EIF3F: variants seen among roughly 807,000 people sequenced by gnomAD.
EIF3F encodes eukaryotic translation initiation factor 3 subunit F.
EIF3F carries 8 observed loss-of-function variants against 36.0 expected under a neutral mutation model. That is an observed-to-expected ratio of 0.22 (90% CI 0.13 to 0.40). The LOEUF is 0.40. Ranked by LOEUF, EIF3F falls within the 10% of genes least tolerant of loss-of-function variation. The pLI is 1.00. For synonymous variants in EIF3F, 184 were observed against 188.5 expected, an observed-to-expected ratio of 0.98 and a Z score of 0.19; for missense variants, 430 against 467.6, an observed-to-expected ratio of 0.92 and a Z score of 0.74.
rs1215711574 is a variant in EIF3F at position 8,001,706 on chromosome 11, CTAT to C, written c.*5685_*5687del. The C allele has an allele frequency of 3.9e-5, 6 of 152,038 alleles. No homozygotes were observed. The highest frequency in any genetic ancestry group is 1.5e-4 in the African/African-American group (6 of 41,376). The allele number at this position is 152,038 out of a possible 1,614,324, so 9.4% of individuals were successfully genotyped here. Reference sequence around the variant, plus strand: ...TTGTGAAGGTACAGCCAAGAAACTACTATCACTGATTGTCTTAAGGTACTAGAT... The same window carrying C: ...TTGTGAAGGTACAGCCAAGAAACTACCACTGATTGTCTTAAGGTACTAGAT... On this transcript the variant is annotated 3_prime_UTR_variant, in exon 8 of 8. Coordinates refer to ENST00000651655, the MANE Select transcript of EIF3F (RefSeq NM_003754.3).
chr11:7,990,206 G>A (rs1428702703), intron 1 of EIF3F, among the ~76,000 whole-genome samples: 3 of 152,200 alleles, frequency 2.0e-5, no homozygotes, highest in Non-Finnish European at 4.4e-5. Context: ...GGTCTGGAGT[G>A]CAAAAGAGAT....
chr11:7,994,698 A>C (rs1942141425), intron 5 of EIF3F, 181 bp downstream of exon 5: 1 of 701,838 alleles, frequency 1.4e-6, no homozygotes. Context: ...GTTATTTGAG[A>C]AACTGTTAAA....
chr11:7,995,671 T>C lies in EIF3F; in HGVS notation c.997-274T>C, dbSNP rs1942152454. On this transcript the variant is annotated intron_variant, in intron 7 of 7. Transcript: ENST00000651655. ...AGGTTAATGAAAATGCAATTACTTA[T>C]TTCCCCCATCTGAGTTCACAGACCC... The C allele has an allele frequency of 1.2e-5, 7 of 583,260 alleles. No homozygotes were observed. The Admixed American group carries it at 1.2e-4, about 10-fold the overall frequency. 36.1% of individuals were successfully genotyped at this position (583,260 alleles called of 1,614,324 possible).
chr11:7,993,427 A>G (rs1942121847), intron 4 of EIF3F, among the ~76,000 whole-genome samples: 2 of 152,220 alleles, frequency 1.3e-5, no homozygotes, highest in African/African-American at 2.4e-5. Context: ...AGGGTAATAC[A>G]GATTATAAGG....
intron 4 of EIF3F, among the ~76,000 whole-genome samples, chr11:7,993,726 A>G (rs1476540804): frequency 1.3e-5 from 2 of 152,138 alleles, no homozygotes; most frequent in East Asian, 3.8e-4. Flanking sequence ...CAGTAAGACA[A>G]AGATGGTGGA....
chr11:7,990,499 G>A (rs1001572714), intron 1 of EIF3F, among the ~76,000 whole-genome samples: 7 of 152,226 alleles, frequency 4.6e-5, no homozygotes, highest in African/African-American at 1.7e-4. Flanking sequence ...AAAAAGACAA[G>A]AGAACAGAGA....
At chr11:7,994,791 T>C (rs1942142324) in intron 5 of EIF3F, 191 bp from the exon 6 acceptor site, 1 of 826,612 alleles carries the variant, frequency 1.2e-6, no homozygotes, top group Non-Finnish European at 1.9e-6. Flanking sequence ...TAAAAGGAGT[T>C]GAGCTCTATT....
intron 3 of EIF3F, chr11:7,992,369 T>A (rs1200243431): frequency 5.4e-5 from 32 of 595,316 alleles, no homozygotes; most frequent in Non-Finnish European, 8.5e-5. Context: ...TAGTTCAAGA[T>A]CAGCCTGAAC....
At position 7,997,621 on chromosome 11, in the gene EIF3F, G is replaced by T. The variant is rs891410861; in HGVS notation, c.*1599G>T. The T allele has an allele frequency of 1.3e-5, 2 of 152,098 alleles. No homozygotes were observed. The highest frequency in any genetic ancestry group is 2.9e-5 in the Non-Finnish European group (2 of 68,016). 9.4% of individuals were successfully genotyped at this position (152,098 alleles called of 1,614,324 possible). A position where few individuals can be genotyped will look rare whatever the true frequency, so the allele number is the denominator to read the frequency against. On this transcript the variant is annotated 3_prime_UTR_variant, in exon 8 of 8. Coordinates refer to ENST00000651655, the MANE Select transcript of EIF3F (RefSeq NM_003754.3). ...TTTACAGGAGACACATCTAAAACAAGGACATAAAGTTGTCCTGCAGCTGTG... is the reference window on the plus strand; with the variant it reads ...TTTACAGGAGACACATCTAAAACAATGACATAAAGTTGTCCTGCAGCTGTG...
chr11:7,987,686 G>A lies in EIF3F; in HGVS notation c.334G>A (p.Gly112Ser), dbSNP rs1942043497. 6.6e-7 allele frequency: 1 copy of A among 1,516,096 alleles called. No individual in the cohort carries two copies. The highest frequency in any genetic ancestry group is 8.8e-7 in the Non-Finnish European group (1 of 1,134,932). 93.9% of individuals were successfully genotyped at this position (1,516,096 alleles called of 1,614,324 possible). Residue 112 changes from glycine to serine, a missense_variant, in exon 1 of 8, where the codon GGT (glycine) becomes AGT (serine). Coordinates refer to ENST00000651655, the MANE Select transcript of EIF3F (RefSeq NM_003754.3). The part of the protein sequence containing the change: ...IVDSYERRNE[G>S]AARVIGTLLG... Reference sequence around the variant, plus strand: ...GGACAGCTACGAGAGACGCAACGAGGGTGCTGCCCGAGTTATCGGGACCCT... The same window carrying A: ...GGACAGCTACGAGAGACGCAACGAGAGTGCTGCCCGAGTTATCGGGACCCT...
rs1032844983 is a variant in EIF3F, at chr11:7,990,831, G to A, written c.365-950G>A. On this transcript the variant is annotated intron_variant, in intron 1 of 7. Transcript: ENST00000651655. ...ATTAGAAGAGAATGGAAAACTCAACGTAGTGGTCTTAGGTCAAGAAACAAA... is the reference window on the plus strand; with the variant it reads ...ATTAGAAGAGAATGGAAAACTCAACATAGTGGTCTTAGGTCAAGAAACAAA... Among the ~76,000 whole-genome samples, 7 of 151,732 alleles carry A rather than the reference G, an allele frequency of 4.6e-5. No individual in the cohort carries two copies. The East Asian group carries it at 9.7e-4, about 21-fold the overall frequency.
At chr11:7,992,028 C>T (rs1444301243) in intron 2 of EIF3F, 56 bp from the exon 3 acceptor site, 15 of 1,585,678 alleles carry the variant, frequency 9.5e-6, no homozygotes, top group African/African-American at 1.4e-5. Flanking sequence ...TCCTTTTTAA[C>T]CAATTTTTCT....
intron 4 of EIF3F, among the ~76,000 whole-genome samples, chr11:7,993,949 C>T (rs952161877): frequency 6.7e-6 from 1 of 149,962 alleles, no homozygotes; most frequent in African/African-American, 2.5e-5. Flanking sequence ...AGTATAGATC[C>T]AGGTATATAA....
intron 2 of EIF3F, 88 bp from the exon 3 acceptor site, chr11:7,991,996 G>A: frequency 1.3e-6 from 2 of 1,503,472 alleles, no homozygotes; most frequent in Non-Finnish European, 1.8e-6. Context: ...GGCCTCTTCT[G>A]TTTATTGGGG....
Position 7,995,087 on chromosome 11 carries a change from G to T in EIF3F, c.851G>T (p.Ser284Ile), listed in dbSNP as rs376830068. The T allele has an allele frequency of 1.5e-5, 25 of 1,614,042 alleles. No homozygotes were observed. The highest frequency in any genetic ancestry group is 2.1e-5 in the Non-Finnish European group (25 of 1,179,922). Residue 284 changes from serine to isoleucine, a missense_variant, in exon 6 of 8, where the codon AGT becomes ATT. Transcript: ENST00000651655. Reference sequence around the variant, plus strand: ...TCAGCTCGCATCCAGGATGCCCTGAGTACAGTGTTGCAATATGCAGAGGAT... The same window carrying T: ...TCAGCTCGCATCCAGGATGCCCTGATTACAGTGTTGCAATATGCAGAGGAT... ...GASARIQDALSTVLQYAEDVL... is the reference protein window; with the variant it reads ...GASARIQDALITVLQYAEDVL...
At position 7,987,431 on chromosome 11, in the gene EIF3F, C is replaced by T. The variant is rs772436208; in HGVS notation, c.79C>T (p.Pro27Ser). 6.2e-7 allele frequency: 1 copy of T among 1,602,448 alleles called. No individual in the cohort carries two copies. The highest frequency in any genetic ancestry group is 1.7e-5 in the Admixed American group (1 of 59,960). Residue 27 changes from proline (P) to serine (S), a missense_variant, in exon 1 of 8, where the codon CCA becomes TCA. Transcript: ENST00000651655. Reference protein sequence around the residue: ...PVPAAAPASVPAPTPAPAAAP... With the variant: ...PVPAAAPASVSAPTPAPAAAP... ...CCCGGCGGCGGCCCCAGCCTCAGTT[C>T]CAGCGCCAACGCCAGCACCGGCTGC...
chr11:7,994,789 G>A (rs1173445900), intron 5 of EIF3F, 193 bp from the exon 6 acceptor site: 2 of 820,568 alleles, frequency 2.4e-6, no homozygotes, highest in East Asian at 5.4e-5. Context: ...GGTAAAAGGA[G>A]TTGAGCTCTA....
intron 2 of EIF3F, 100 bp downstream of exon 2, chr11:7,991,951 C>T: frequency 6.7e-7 from 1 of 1,494,476 alleles, no homozygotes; most frequent in Non-Finnish European, 9.3e-7. Context: ...GCTCCTGTAG[C>T]CAAGGAGCTT....
Position 7,996,339 on chromosome 11 carries a change from CA to C in EIF3F, c.*321del. The C allele has an allele frequency of 4.4e-6, 1 of 225,538 alleles. No homozygotes were observed. 14.0% of individuals were successfully genotyped at this position (225,538 alleles called of 1,614,324 possible). The stretch of plus-strand genomic sequence containing the variant: ...TTCAATATGGAAAGGTGTCCATTGG[CA>C]AAACAACCTTTTCTTGAGGATTCAT... On this transcript the variant is annotated 3_prime_UTR_variant, in exon 8 of 8. Coordinates refer to ENST00000651655, the MANE Select transcript of EIF3F (RefSeq NM_003754.3).
Sources: gnomAD v4.1 joint callset for allele counts (sites outside exome capture counted in the v4.1 genomes callset) on GRCh38, gnomAD v4.1.1 for gene constraint, MANE v1.5 for transcripts, NCBI Gene and HGNC (gene_info 2026-07-23, HGNC 2026-07-21) for gene names.